RANBP2: variants seen among roughly 807,000 people sequenced by gnomAD.
The protein encoded by RANBP2 is RAN binding protein 2.
RANBP2 carries 57 observed loss-of-function variants against 303.6 expected under a neutral mutation model. The ratio of observed to expected loss-of-function variants is 0.19; its 90% confidence interval spans 0.15 to 0.23. The LOEUF (loss-of-function observed/expected upper bound fraction) is 0.23, where lower values mean the gene tolerates loss of function less well. Ranked by LOEUF, RANBP2 falls within the 10% of genes least tolerant of loss-of-function variation. The pLI is 1.00. For missense variants in RANBP2, 3,138 were observed against 3,780.8 expected, an observed-to-expected ratio of 0.83 and a Z score of 4.46; for synonymous variants, 1,167 against 1,301.5, an observed-to-expected ratio of 0.90 and a Z score of 2.23.
chr2:109,029,655 C>T, the RANBP2 span, among the ~76,000 whole-genome samples: 5 of 152,196 alleles, frequency 3.3e-5, no homozygotes, highest in Admixed American at 6.5e-5. Flanking sequence ...CCTCCTTCCT[C>T]GGCCTGGGAT....
the RANBP2 span, among the ~76,000 whole-genome samples, chr2:109,444,891 G>A: frequency 6.6e-6 from 1 of 152,066 alleles, no homozygotes; most frequent in South Asian, 2.1e-4. Context: ...AAATCAGTAT[G>A]TTTAAGATCT....
the RANBP2 span, among the ~76,000 whole-genome samples, chr2:109,684,245 C>CTTTTTTT: frequency 9.2e-5 from 8 of 87,138 alleles, 3 homozygotes; most frequent in East Asian, 3.3e-4. Flanking sequence ...CCCGGTCTTA[C>CTTTTTTT]TTTTTTTTTT....
the RANBP2 span, among the ~76,000 whole-genome samples, chr2:108,806,125 T>A: frequency 6.6e-6 from 1 of 152,226 alleles, no homozygotes; most frequent in East Asian, 1.9e-4. Context: ...TTTTCTCACC[T>A]GATCTAATTC....
At chr2:109,129,289 G>C in the RANBP2 span, 1 of 683,426 alleles carries the variant, frequency 1.5e-6, no homozygotes, top group African/African-American at 1.9e-5. Context: ...GTAGCCCGCA[G>C]CCGCAGGCGC....
the RANBP2 span, among the ~76,000 whole-genome samples, chr2:109,026,490 G>A: frequency 6.6e-6 from 1 of 152,128 alleles, no homozygotes; most frequent in African/African-American, 2.4e-5. Flanking sequence ...GGTATTGCCT[G>A]TCCCTTGGGC....
the RANBP2 span, among the ~76,000 whole-genome samples, chr2:109,392,080 T>C: frequency 6.6e-6 from 1 of 152,108 alleles, no homozygotes; most frequent in Non-Finnish European, 1.5e-5. Context: ...CCTCCCAAAG[T>C]GTTGAGTTTA....
At chr2:109,585,107 A>G in the RANBP2 span, 24 of 1,468,282 alleles carry the variant, frequency 1.6e-5, no homozygotes, top group East Asian at 5.5e-4. Context: ...TTGTTTTATT[A>G]CAAGAAGAAA....
chr2:108,909,074 C>T, the RANBP2 span, among the ~76,000 whole-genome samples: 103,766 of 152,072 alleles, frequency 0.68, 37,224 homozygotes, highest in East Asian at 0.92. Flanking sequence ...GCCTTGCTGT[C>T]TTTTAACGTA....
At chr2:108,864,641 C>T in the RANBP2 span, among the ~76,000 whole-genome samples, 1 of 151,742 alleles carries the variant, frequency 6.6e-6, no homozygotes, top group African/African-American at 2.4e-5. Context: ...ACTAAAAAAA[C>T]AAAAAAGCCA....
chr2:109,696,540 C>G, the RANBP2 span, among the ~76,000 whole-genome samples: 1 of 152,134 alleles, frequency 6.6e-6, no homozygotes, highest in African/African-American at 2.4e-5. Flanking sequence ...TTCCTAAAGT[C>G]TTGACAACCT....
At chr2:108,812,590 G>T in the RANBP2 span, 3 of 1,441,694 alleles carry the variant, frequency 2.1e-6, no homozygotes, top group Non-Finnish European at 2.9e-6. Flanking sequence ...GAAACCAGTT[G>T]AAGGTGTATA....
At chr2:109,236,299 G>GT in the RANBP2 span, among the ~76,000 whole-genome samples, 1 of 152,196 alleles carries the variant, frequency 6.6e-6, no homozygotes, top group African/African-American at 2.4e-5. Context: ...TCTGCATGCA[G>GT]TGTCGGGGCA....
intron 1 of RANBP2, 92 bp from the exon 2 acceptor site, chr2:108,729,040 A>T (rs1694961163): frequency 2.8e-6 from 4 of 1,409,626 alleles, no homozygotes; most frequent in Middle Eastern, 2.6e-4. Flanking sequence ...GGCGTATTTG[A>T]ACATCAACTT....
the RANBP2 span, among the ~76,000 whole-genome samples, chr2:109,716,552 A>G: frequency 6.7e-6 from 1 of 149,078 alleles, no homozygotes; most frequent in East Asian, 2.0e-4. Flanking sequence ...ACCCAGCCTT[A>G]TTTTATTTTT....
the RANBP2 span, among the ~76,000 whole-genome samples, chr2:109,325,661 G>A: frequency 1.3e-5 from 2 of 152,094 alleles, no homozygotes; most frequent in Admixed American, 6.5e-5. Flanking sequence ...AGCACTGATC[G>A]CTAGAAGGTT....
At chr2:108,933,228 G>T in the RANBP2 span, among the ~76,000 whole-genome samples, 1 of 152,330 alleles carries the variant, frequency 6.6e-6, no homozygotes, top group East Asian at 1.9e-4. Context: ...TTCCAGCAAA[G>T]ATTTTTTTGG....
At chr2:108,849,503 G>A in the RANBP2 span, among the ~76,000 whole-genome samples, 1 of 151,952 alleles carries the variant, frequency 6.6e-6, no homozygotes, top group South Asian at 2.1e-4. Flanking sequence ...CTTTTCAGTG[G>A]CTTCATCACC....
chr2:109,539,247 G>A, the RANBP2 span, among the ~76,000 whole-genome samples: 5 of 151,884 alleles, frequency 3.3e-5, no homozygotes, highest in Admixed American at 6.6e-5. Flanking sequence ...GCAGTGAGCC[G>A]ATATTATGCC....
At chr2:109,502,932 C>A in the RANBP2 span, 1 of 152,212 alleles carries the variant, frequency 6.6e-6, no homozygotes, top group Admixed American at 6.5e-5. Flanking sequence ...TGCAAACCTT[C>A]ATCTGCTGGA....
Sources: gnomAD v4.1 joint callset for allele counts (sites outside exome capture counted in the v4.1 genomes callset) on GRCh38, gnomAD v4.1.1 for gene constraint, MANE v1.5 for transcripts, NCBI Gene and HGNC (gene_info 2026-07-23, HGNC 2026-07-21) for gene names.